SLC16A10: variants seen among roughly 807,000 people sequenced by gnomAD.
The protein encoded by SLC16A10 is solute carrier family 16 member 10.
In SLC16A10, 27 loss-of-function variants were observed where a neutral mutation model predicts 40.0. The ratio of observed to expected loss-of-function variants is 0.67; its 90% confidence interval spans 0.50 to 0.93. The LOEUF is 0.93. SLC16A10 is among the 40% of genes least tolerant of loss of function. The probability of loss-of-function intolerance (pLI) is 0.00; values close to 1 mark genes in which losing one functional copy is unlikely to be tolerated. For missense variants in SLC16A10, 529 were observed against 658.2 expected (o/e 0.80, Z 2.15); for synonymous variants, 213 against 249.8 (o/e 0.85, Z 1.39).
intron 1 of SLC16A10, among the ~76,000 whole-genome samples, chr6:111,145,422 T>G (rs1443720186): frequency 6.6e-6 from 1 of 152,106 alleles, no homozygotes; most frequent in Non-Finnish European, 1.5e-5. Context: ...ATAGATAATA[T>G]ATGTCGTAGT....
chr6:111,199,320 A>G (rs993317189), intron 3 of SLC16A10, among the ~76,000 whole-genome samples: 2 of 152,036 alleles, frequency 1.3e-5, no homozygotes, highest in African/African-American at 4.8e-5. Flanking sequence ...TTAGCTGGGC[A>G]TGGTGGTGGA....
chr6:111,221,753 A>C (rs1385262942), intron 5 of SLC16A10, among the ~76,000 whole-genome samples: 1 of 152,076 alleles, frequency 6.6e-6, no homozygotes, highest in African/African-American at 2.4e-5. Context: ...CTCAAAAAAA[A>C]AAAAACGTCT....
At position 111,209,167 on chromosome 6, in the gene SLC16A10, T is replaced by C. The variant is rs188125754; in HGVS notation, c.1086+2432T>C. ...TTACAGGGGAGTATGGTCATGCCAC[T>C]GTACTCCAGCCTAGGTGACAGAGTG... On this transcript the variant is annotated intron_variant, in intron 4 of 5. Coordinates refer to ENST00000368851, the MANE Select transcript of SLC16A10 (RefSeq NM_018593.5). Among the ~76,000 whole-genome samples, 5 of 152,304 alleles carry C rather than the reference T, an allele frequency of 3.3e-5. No individual in the cohort carries two copies. The East Asian group carries it at 9.7e-4, about 29-fold the overall frequency.
chr6:111,098,249 T>C (rs1169436631), intron 1 of SLC16A10, among the ~76,000 whole-genome samples: 3 of 151,998 alleles, frequency 2.0e-5, no homozygotes, highest in Non-Finnish European at 4.4e-5. Context: ...GAGGTTGCAA[T>C]GAGCCAAGAT....
chr6:111,124,008 T>A (rs1771628278), intron 1 of SLC16A10, among the ~76,000 whole-genome samples: 1 of 152,134 alleles, frequency 6.6e-6, no homozygotes, highest in Admixed American at 6.5e-5. Flanking sequence ...AGGGGTCTTG[T>A]GTTCCAGTTG....
chr6:111,167,955 A>G (rs1174450825), intron 1 of SLC16A10, among the ~76,000 whole-genome samples: 4 of 149,420 alleles, frequency 2.7e-5, no homozygotes, highest in Non-Finnish European at 4.4e-5. Flanking sequence ...GATTATACAT[A>G]TGAGCCACTG....
At chr6:111,149,966 C>T (rs1045457438) in intron 1 of SLC16A10, among the ~76,000 whole-genome samples, 5 of 151,668 alleles carry the variant, frequency 3.3e-5, no homozygotes, top group African/African-American at 1.2e-4. Flanking sequence ...AGCTTTAAAA[C>T]GTCAGTGTCT....
chr6:111,172,805 G>A lies in SLC16A10; in HGVS notation c.454G>A (p.Gly152Arg). ...RKTAVVGAAV[G>R]FVGLMSSSFV... Reference sequence around the variant, plus strand: ...AACAGCTGTCGTGGGTGCTGCTGTTGGATTTGTTGGGCTCATGTCCAGTTC... The same window carrying A: ...AACAGCTGTCGTGGGTGCTGCTGTTAGATTTGTTGGGCTCATGTCCAGTTC... Residue 152 changes from glycine (G) to arginine (R), a missense_variant, in exon 2 of 6, where the codon GGA (glycine) becomes AGA (arginine). Physicochemically the swap from Gly to Arg is moderately radical, Grantham distance 125. Coordinates refer to ENST00000368851, the MANE Select transcript of SLC16A10 (RefSeq NM_018593.5). The A allele has an allele frequency of 6.2e-7, 1 of 1,614,036 alleles. No individual in the cohort carries two copies. The highest frequency in any genetic ancestry group is 8.5e-7 in the Non-Finnish European group (1 of 1,179,968).
At chr6:111,156,688 A>G (rs181451242) in intron 1 of SLC16A10, among the ~76,000 whole-genome samples, 30 of 152,220 alleles carry the variant, frequency 2.0e-4, no homozygotes, top group Admixed American at 3.9e-4. Context: ...GGTATCTTGT[A>G]TGGGATCTTG....
intron 1 of SLC16A10, among the ~76,000 whole-genome samples, chr6:111,172,301 C>T (rs991425933): frequency 2.0e-5 from 3 of 152,054 alleles, no homozygotes; most frequent in Non-Finnish European, 4.4e-5. Context: ...ATTTCCTCAG[C>T]GAAGTCAGAT....
chr6:111,206,835 T>A, intron 4 of SLC16A10, 100 bp downstream of exon 4: 1 of 1,436,536 alleles, frequency 7.0e-7, no homozygotes, highest in Non-Finnish European at 9.4e-7. Flanking sequence ...TTTTCTTTCC[T>A]TTTTCTTTTT....
intron 1 of SLC16A10, among the ~76,000 whole-genome samples, chr6:111,136,702 G>T (rs1771883525): frequency 6.6e-6 from 1 of 152,162 alleles, no homozygotes; most frequent in African/African-American, 2.4e-5. Context: ...ACCTCAACTT[G>T]TATACTGATG....
intron 3 of SLC16A10, among the ~76,000 whole-genome samples, chr6:111,199,407 C>G (rs921607151): frequency 6.7e-6 from 1 of 148,276 alleles, no homozygotes; most frequent in Non-Finnish European, 1.5e-5. Context: ...GGCAGTGAGC[C>G]GAGATCACAC....
chr6:111,103,548 T>C (rs544477095), intron 1 of SLC16A10, among the ~76,000 whole-genome samples: 30 of 152,288 alleles, frequency 2.0e-4, no homozygotes, highest in Admixed American at 1.8e-3. Context: ...ACAAAATATG[T>C]ACTGAGAGCC....
intron 2 of SLC16A10, among the ~76,000 whole-genome samples, chr6:111,176,418 A>C (rs1411420621): frequency 1.3e-5 from 2 of 152,262 alleles, no homozygotes; most frequent in Non-Finnish European, 2.9e-5. Context: ...ACATAATGAT[A>C]TGATCCTTTA....
intron 1 of SLC16A10, among the ~76,000 whole-genome samples, chr6:111,163,513 A>G (rs1772414662): frequency 6.6e-6 from 1 of 152,220 alleles, no homozygotes. Context: ...TAGAAACCTC[A>G]TAGAATTTTG....
intron 1 of SLC16A10, among the ~76,000 whole-genome samples, chr6:111,151,551 A>ATC (rs1304096771): frequency 6.6e-6 from 1 of 152,048 alleles, no homozygotes; most frequent in East Asian, 1.9e-4. Context: ...CTTCCTCCCA[A>ATC]TCTCCCCTAT....
At chr6:111,164,395 C>T (rs148232215) in intron 1 of SLC16A10, among the ~76,000 whole-genome samples, 26 of 152,152 alleles carry the variant, frequency 1.7e-4, no homozygotes, top group East Asian at 1.5e-3. Flanking sequence ...TAAGTTGTAG[C>T]GACTCTGGTG....
At position 111,227,333 on chromosome 6, in the gene SLC16A10, A is replaced by G. The variant is rs1176977890; in HGVS notation, c.*5098A>G. 1 of 152,180 alleles carries G rather than the reference A, an allele frequency of 6.6e-6. No homozygotes were observed. Among genetic ancestry groups the G allele is most frequent in the Non-Finnish European group, 1.5e-5 (1 of 68,026 alleles). The allele number at this position is 152,180 out of a possible 1,614,324, so 9.4% of individuals were successfully genotyped here. ...GCAGAGATTAATGCTTTGTGTTATA[A>G]ATATACTATAGAACAATAGGTCACG... is the stretch of plus-strand genomic sequence containing the variant. On this transcript the variant is annotated 3_prime_UTR_variant, in exon 6 of 6. Transcript: ENST00000368851.
Sources: gnomAD v4.1 joint callset for allele counts (sites outside exome capture counted in the v4.1 genomes callset) on GRCh38, gnomAD v4.1.1 for gene constraint, MANE v1.5 for transcripts, NCBI Gene and HGNC (gene_info 2026-07-23, HGNC 2026-07-21) for gene names.